Variants in GLCCI1 observed in about 807,000 individuals in gnomAD.
The protein encoded by GLCCI1 is glucocorticoid induced 1.
GLCCI1 carries 24 observed loss-of-function variants against 52.2 expected under a neutral mutation model. The ratio of observed to expected loss-of-function variants is 0.46; its 90% CI spans 0.33 to 0.65. The LOEUF is 0.65. GLCCI1 is among the 30% of genes least tolerant of loss of function. The pLI is 0.02. For synonymous variants in GLCCI1, 310 were observed against 276.5 expected, an observed-to-expected ratio of 1.12 and a Z score of -1.20; for missense variants, 704 against 701.5, an observed-to-expected ratio of 1.00 and a Z score of -0.04.
intron 2 of GLCCI1, among the ~76,000 whole-genome samples, chr7:8,014,162 T>A (rs1019960644): frequency 1.3e-5 from 2 of 152,182 alleles, no homozygotes; most frequent in African/African-American, 4.8e-5. Flanking sequence ...GCTAATTTTT[T>A]AATTTTTTAG....
At position 8,088,851 on chromosome 7, in the gene GLCCI1, C is replaced by A. The variant is rs1783174678; in HGVS notation, c.*2313C>A. 6.6e-6 allele frequency: 1 copy of A among 152,600 alleles called. No homozygotes were observed. The highest frequency in any genetic ancestry group is 2.4e-5 in the African/African-American group (1 of 41,428). The allele number at this position is 152,600 out of a possible 1,614,324, so 9.5% of individuals were successfully genotyped here. Reference sequence around the variant, plus strand: ...CTTACGCTTTGCCATGTAAATTTCCCAGAAGTTGTTGAGCTCAAATGTATC... The same window carrying A: ...CTTACGCTTTGCCATGTAAATTTCCAAGAAGTTGTTGAGCTCAAATGTATC... On this transcript the variant is annotated 3_prime_UTR_variant, in exon 8 of 8. Transcript: ENST00000223145.
At chr7:8,010,826 C>G (rs1781248756) in intron 2 of GLCCI1, among the ~76,000 whole-genome samples, 1 of 152,226 alleles carries the variant, frequency 6.6e-6, no homozygotes. Context: ...CATATACACA[C>G]AGAGATGGAA....
chr7:8,020,269 A>G (rs1198686576), intron 2 of GLCCI1, among the ~76,000 whole-genome samples: 3 of 152,142 alleles, frequency 2.0e-5, no homozygotes. Flanking sequence ...AGGTAATAGG[A>G]ATTTTTCAGC....
At chr7:7,986,474 G>A (rs1197458453) in intron 1 of GLCCI1, among the ~76,000 whole-genome samples, 2 of 150,866 alleles carry the variant, frequency 1.3e-5, no homozygotes, top group Admixed American at 6.6e-5. Flanking sequence ...GCAGTGAGCC[G>A]AGATCACACC....
chr7:8,068,206 C>T (rs929840690), intron 5 of GLCCI1, among the ~76,000 whole-genome samples: 3 of 152,084 alleles, frequency 2.0e-5, no homozygotes, highest in Non-Finnish European at 4.4e-5. Flanking sequence ...AAACATTAGC[C>T]GGTCATCGTG....
At chr7:8,045,931 A>G (rs753977240) in intron 3 of GLCCI1, among the ~76,000 whole-genome samples, 10 of 150,994 alleles carry the variant, frequency 6.6e-5, no homozygotes, top group Non-Finnish European at 8.8e-5. Context: ...CCTCATTTAC[A>G]TCTGAGGAAA....
chr7:8,011,081 T>TA, intron 2 of GLCCI1, among the ~76,000 whole-genome samples: 1 of 152,158 alleles, frequency 6.6e-6, no homozygotes, highest in Middle Eastern at 3.4e-3. Flanking sequence ...ATCATGTGAC[T>TA]ACATTCCAGC....
chr7:7,999,701 TTGA>T (rs1053256135), intron 1 of GLCCI1, among the ~76,000 whole-genome samples: 5 of 152,118 alleles, frequency 3.3e-5, no homozygotes, highest in Admixed American at 3.3e-4. Flanking sequence ...GCCCAGGAGT[TTGA>T]GACCAGCCTG....
At chr7:8,076,197 A>G (rs1782874051) in intron 6 of GLCCI1, among the ~76,000 whole-genome samples, 1 of 152,058 alleles carries the variant, frequency 6.6e-6, no homozygotes, top group Non-Finnish European at 1.5e-5. Flanking sequence ...ATTTTATGGC[A>G]CTTTTCTTTT....
chr7:7,990,705 G>A (rs1277245012), intron 1 of GLCCI1, among the ~76,000 whole-genome samples: 1 of 151,968 alleles, frequency 6.6e-6, no homozygotes, highest in African/African-American at 2.4e-5. Flanking sequence ...GCTGCTTTTG[G>A]CCTTTCCGAC....
chr7:7,987,120 A>G (rs1445537628), intron 1 of GLCCI1, among the ~76,000 whole-genome samples: 1 of 152,176 alleles, frequency 6.6e-6, no homozygotes, highest in African/African-American at 2.4e-5. Flanking sequence ...TTAATGAAAG[A>G]TTTCTGTTGG....
chr7:8,004,391 C>T (rs140528883), intron 2 of GLCCI1: 27 of 173,562 alleles, frequency 1.6e-4, no homozygotes, highest in African/African-American at 5.4e-4. Context: ...AGAGTTTGCA[C>T]CGTTCTTGAA....
At chr7:7,996,607 A>C (rs1247067131) in intron 1 of GLCCI1, among the ~76,000 whole-genome samples, 1 of 152,208 alleles carries the variant, frequency 6.6e-6, no homozygotes, top group Non-Finnish European at 1.5e-5. Flanking sequence ...GTCATTTGAC[A>C]TAAGTTTATT....
At chr7:8,022,764 A>G in intron 3 of GLCCI1, 195 bp downstream of exon 3, 1 of 271,900 alleles carries the variant, frequency 3.7e-6, no homozygotes, top group Non-Finnish European at 6.8e-6. Context: ...CTAGTTTGGT[A>G]GGCTGCATTC....
At chr7:8,082,765 A>G (rs1280010987) in intron 6 of GLCCI1, among the ~76,000 whole-genome samples, 1 of 152,192 alleles carries the variant, frequency 6.6e-6, no homozygotes, top group Non-Finnish European at 1.5e-5. Context: ...ATATTTTAAG[A>G]AGAAAAATTA....
intron 1 of GLCCI1, among the ~76,000 whole-genome samples, chr7:7,987,340 G>A (rs1483772519): frequency 2.0e-5 from 3 of 152,248 alleles, no homozygotes; most frequent in African/African-American, 4.8e-5. Flanking sequence ...TATTCCTGAC[G>A]TTTCCAGGTA....
chr7:7,995,667 C>T (rs963890590), intron 1 of GLCCI1, among the ~76,000 whole-genome samples: 11 of 152,044 alleles, frequency 7.2e-5, no homozygotes, highest in South Asian at 2.1e-4. Flanking sequence ...AACCAAACAC[C>T]GCATGTTCTC....
intron 3 of GLCCI1, among the ~76,000 whole-genome samples, chr7:8,035,631 T>C (rs1781850520): frequency 1.3e-5 from 2 of 152,168 alleles, no homozygotes; most frequent in Non-Finnish European, 2.9e-5. Flanking sequence ...TGTTTTAGGC[T>C]GAAGACAGGT....
At chr7:8,004,622 C>A (rs1416303023) in intron 2 of GLCCI1, among the ~76,000 whole-genome samples, 1 of 152,096 alleles carries the variant, frequency 6.6e-6, no homozygotes, top group Admixed American at 6.6e-5. Context: ...TATCTGAGTT[C>A]TTGACCATAT....
Sources: gnomAD v4.1 joint callset for allele counts (sites outside exome capture counted in the v4.1 genomes callset) on GRCh38, gnomAD v4.1.1 for gene constraint, MANE v1.5 for transcripts, NCBI Gene and HGNC (gene_info 2026-07-23, HGNC 2026-07-21) for gene names.